The following PDE6C variants were observed in gnomAD, a reference collection of about 807,000 sequenced individuals.
PDE6C encodes the protein cone cGMP-specific 3',5'-cyclic phosphodiesterase subunit alpha'.
PDE6C carries 75 observed loss-of-function variants against 113.1 expected under a neutral mutation model. The ratio of observed to expected loss-of-function variants is 0.66; its 90% confidence interval spans 0.55 to 0.80. The LOEUF is 0.80. PDE6C is among the 30% of genes least tolerant of loss of function. PDE6C has a pLI of 0.00. For missense variants in PDE6C, 912 were observed against 1,038.6 expected, an observed-to-expected ratio of 0.88 and a Z score of 1.67; for synonymous variants, 375 against 363.7, an observed-to-expected ratio of 1.03 and a Z score of -0.35.
chr10:93,645,933 A>T, intron 14 of PDE6C, 27 bp from the exon 15 acceptor site: 1 of 1,379,146 alleles, frequency 7.3e-7, no homozygotes, highest in Admixed American at 1.7e-5. Flanking sequence ...AAACAGCTAG[A>T]ATCATGGCAT....
intron 8 of PDE6C, among the ~76,000 whole-genome samples, chr10:93,632,614 G>A (rs1262076797): frequency 6.6e-6 from 1 of 152,196 alleles, no homozygotes; most frequent in Non-Finnish European, 1.5e-5. Flanking sequence ...TATTTTGGAA[G>A]CTTTAACAAA....
rs1315881394 is a variant in PDE6C, at chr10:93,663,067, A to G, written c.2407A>G (p.Ser803Gly). ...RFHKEITPML[S>G]GLQNNRVEWK... ...TCACAAAGAAATCACACCTATGCTGAGTGGTCTTCAGAATAACAGAGTAGA... is the reference window on the plus strand; with the variant it reads ...TCACAAAGAAATCACACCTATGCTGGGTGGTCTTCAGAATAACAGAGTAGA... The change falls in exon 21 of 22, where the codon AGT (serine) becomes GGT (glycine). Residue 803 changes from serine (S) to glycine (G), a missense_variant. Coordinates refer to ENST00000371447, the MANE Select transcript of PDE6C (RefSeq NM_006204.4). The G allele has an allele frequency of 7.4e-6, 12 of 1,613,040 alleles. No homozygotes were observed. Among genetic ancestry groups the G allele is most frequent in the Non-Finnish European group, 1.0e-5 (12 of 1,179,512 alleles).
At position 93,665,699 on chromosome 10, in the gene PDE6C, A is replaced by AT; in HGVS notation, c.*283dup. The AT allele has an allele frequency of 2.3e-6, 1 of 427,366 alleles. No homozygotes were observed. Among genetic ancestry groups the AT allele is most frequent in the Non-Finnish European group, 4.3e-6 (1 of 233,632 alleles). 26.5% of individuals were successfully genotyped at this position (427,366 alleles called of 1,614,324 possible). On this transcript the variant is annotated 3_prime_UTR_variant, in exon 22 of 22. Transcript: ENST00000371447. ...CTAGTCACAAATTCTTTTTTAAAAC[A>AT]TTAATTGTATTTATTTGCTAAGGCT... is the stretch of plus-strand genomic sequence containing the variant.
chr10:93,621,867 T>C, intron 3 of PDE6C, 65 bp from the exon 4 acceptor site: 2 of 1,431,898 alleles, frequency 1.4e-6, no homozygotes, highest in Non-Finnish European at 2.0e-6. Flanking sequence ...TTTCTTGTGG[T>C]GAATGCTCTA....
chr10:93,625,026 T>C (rs1202343228), intron 4 of PDE6C, among the ~76,000 whole-genome samples: 7 of 152,196 alleles, frequency 4.6e-5, no homozygotes, highest in African/African-American at 1.7e-4. Flanking sequence ...TTCTCCCCCT[T>C]CTTCAATGTC....
chr10:93,663,114 G>A lies in PDE6C; in HGVS notation c.2454G>A (p.Glu818=), dbSNP rs776152047. The part of the protein sequence containing the change: ...NRVEWKSLAD[E]YDAKMKVIEE... ...TAGAATGGAAATCACTAGCTGATGA[G>A]TATGATGCAAAGATGAAGGTCATTG... Residue 818 remains glutamate, a synonymous_variant, in exon 21 of 22, where the codon GAG becomes GAA. Coordinates refer to ENST00000371447, the MANE Select transcript of PDE6C (RefSeq NM_006204.4). The A allele has an allele frequency of 3.7e-6, 6 of 1,613,702 alleles. No homozygotes were observed. Among genetic ancestry groups the A allele is most frequent in the South Asian group, 2.2e-5 (2 of 91,064 alleles).
chr10:93,652,589 G>T (rs2058614177), intron 15 of PDE6C, among the ~76,000 whole-genome samples: 1 of 152,098 alleles, frequency 6.6e-6, no homozygotes, highest in Non-Finnish European at 1.5e-5. Flanking sequence ...GACTCATTTT[G>T]AAAAGTAAGA....
Position 93,646,057 on chromosome 10 carries a change from C to A in PDE6C, c.1935+10C>A, listed in dbSNP as rs1409332. The A allele has an allele frequency of 0.46, 681,737 of 1,479,756 alleles. 158,869 individuals carry two copies. The highest frequency in any genetic ancestry group is 0.47 in the South Asian group (41,848 of 88,416). The allele number at this position is 1,479,756 out of a possible 1,614,324, so 91.7% of individuals were successfully genotyped here. A position where few individuals can be genotyped will look rare whatever the true frequency, so the allele number is the denominator to read the frequency against. On this transcript the variant is annotated intron_variant, in intron 15 of 21. Coordinates refer to ENST00000371447, the MANE Select transcript of PDE6C (RefSeq NM_006204.4). ...TCTGTTGCAGGATGAGGTACGTAAA[C>A]CTCTCTTTAGGACAGCTAAACACAA...
rs527255872 is a variant in PDE6C, at chr10:93,644,191, C to A, written c.1848-1769C>A. Among the ~76,000 whole-genome samples, 8 of 152,236 alleles carry A rather than the reference C, an allele frequency of 5.3e-5. No individual in the cohort carries two copies. In the South Asian group the frequency reaches 1.0e-3, roughly 20 times the overall value. On this transcript the variant is annotated intron_variant, in intron 14 of 21. Transcript: ENST00000371447. ...CTTCTCAATGCATTGTGTCAAGAAG[C>A]CCATGATATCAATTTTATTTATGGG...
chr10:93,628,833 C>T (rs1329453511), intron 7 of PDE6C, among the ~76,000 whole-genome samples: 1 of 152,138 alleles, frequency 6.6e-6, no homozygotes, highest in Non-Finnish European at 1.5e-5. Flanking sequence ...GCTGTTTCCT[C>T]CTGCCTCTTA....
chr10:93,620,268 G>A lies in PDE6C; in HGVS notation c.481-364G>A, dbSNP rs554522355. On this transcript the variant is annotated intron_variant, in intron 1 of 21. Coordinates refer to ENST00000371447, the MANE Select transcript of PDE6C (RefSeq NM_006204.4). Reference sequence around the variant, plus strand: ...TCTATGAACTGTGTCTGTATTCCTAGCTGTGCTCTCCTTCCCTGCATGTAC... The same window carrying A: ...TCTATGAACTGTGTCTGTATTCCTAACTGTGCTCTCCTTCCCTGCATGTAC... 3.9e-5 allele frequency among the ~76,000 whole-genome samples: 6 copies of A among 152,242 alleles called. No homozygotes were observed. The South Asian group carries it at 1.0e-3, about 26-fold the overall frequency.
At chr10:93,618,914 G>A (rs566440955) in intron 1 of PDE6C, among the ~76,000 whole-genome samples, 1 of 152,178 alleles carries the variant, frequency 6.6e-6, no homozygotes, top group African/African-American at 2.4e-5. Flanking sequence ...TGCAAGGTTT[G>A]TGCTGCTTTT....
chr10:93,629,961 A>G (rs371342364), intron 8 of PDE6C, among the ~76,000 whole-genome samples: 3 of 152,242 alleles, frequency 2.0e-5, no homozygotes, highest in East Asian at 1.9e-4. Context: ...TAAGGGCTCA[A>G]CAGTTCCTGA....
chr10:93,618,259 C>T (rs2058429468), intron 1 of PDE6C, among the ~76,000 whole-genome samples: 2 of 152,114 alleles, frequency 1.3e-5, no homozygotes, highest in South Asian at 4.1e-4. Flanking sequence ...CTTCCTAGTA[C>T]TTACTGAATA....
intron 14 of PDE6C, among the ~76,000 whole-genome samples, chr10:93,645,014 T>C (rs866187403): frequency 6.9e-6 from 1 of 145,554 alleles, no homozygotes; most frequent in Non-Finnish European, 1.5e-5. Context: ...ATTATTTTGT[T>C]AAGTGAAATA....
chr10:93,615,470 C>T (rs1302902215), intron 1 of PDE6C, among the ~76,000 whole-genome samples: 1 of 152,186 alleles, frequency 6.6e-6, no homozygotes, highest in African/African-American at 2.4e-5. Flanking sequence ...CAACCTCTGC[C>T]TCCCGGGTTC....
Position 93,665,524 on chromosome 10 carries a change from A to G in PDE6C, c.*106A>G. The G allele has an allele frequency of 1.3e-6, 1 of 797,822 alleles. No homozygotes were observed. The highest frequency in any genetic ancestry group is 2.5e-5 in the East Asian group (1 of 39,316). 49.4% of individuals were successfully genotyped at this position (797,822 alleles called of 1,614,324 possible). ...TCATCACGTAACAGGATCTTCAGAA[A>G]AACTACCCTGTGACTATGAAGAAAA... On this transcript the variant is annotated 3_prime_UTR_variant, in exon 22 of 22. Coordinates refer to ENST00000371447, the MANE Select transcript of PDE6C (RefSeq NM_006204.4).
intron 18 of PDE6C, among the ~76,000 whole-genome samples, chr10:93,661,195 T>A (rs1047927913): frequency 6.6e-6 from 1 of 152,194 alleles, no homozygotes; most frequent in Non-Finnish European, 1.5e-5. Flanking sequence ...AAAATTTACA[T>A]GGCCTGTCAC....
chr10:93,664,279 G>A (rs960165359), intron 21 of PDE6C, among the ~76,000 whole-genome samples: 1 of 152,222 alleles, frequency 6.6e-6, no homozygotes, highest in Admixed American at 6.5e-5. Context: ...CTTTCCTGAA[G>A]AATGCTTACG....
Sources: gnomAD v4.1 joint callset for allele counts (sites outside exome capture counted in the v4.1 genomes callset) on GRCh38, gnomAD v4.1.1 for gene constraint, MANE v1.5 for transcripts, NCBI Gene and HGNC (gene_info 2026-07-23, HGNC 2026-07-21) for gene names.